The following CNN3 variants were observed in gnomAD, a reference collection of about 807,000 sequenced individuals.
CNN3 encodes the protein calponin-3.
In CNN3, 11 loss-of-function variants were observed where a neutral mutation model predicts 39.0. The observed-to-expected ratio is 0.28, with a 90% CI of 0.18 to 0.47. The LOEUF (loss-of-function observed/expected upper bound fraction) is 0.47. Ranked by LOEUF, CNN3 falls within the 20% of genes least tolerant of loss-of-function variation. CNN3 has a pLI of 0.99. For synonymous variants in CNN3, 101 were observed against 138.3 expected (o/e 0.73, Z 1.89); for missense variants, 266 against 403.4 (o/e 0.66, Z 2.92).
intron 1 of CNN3, among the ~76,000 whole-genome samples, chr1:94,905,409 T>A (rs1670971254): frequency 6.6e-6 from 1 of 152,160 alleles, no homozygotes; most frequent in Non-Finnish European, 1.5e-5. Context: ...CCCTGGCACA[T>A]AATCAGACCA....
chr1:94,917,112 C>A (rs1331112307), intron 1 of CNN3, among the ~76,000 whole-genome samples: 2 of 152,186 alleles, frequency 1.3e-5, no homozygotes, highest in African/African-American at 4.8e-5. Context: ...TCTTGGCTCA[C>A]CGCAGCCTCT....
rs796600645 is a variant in CNN3 at position 94,901,559 on chromosome 1, C to G, written c.501+110G>C. 5.8e-5 allele frequency: 40 copies of G among 683,914 alleles called. No homozygotes were observed. In the South Asian group the frequency reaches 6.4e-4, roughly 11 times the overall value. The allele number at this position is 683,914 out of a possible 1,614,324, so 42.4% of individuals were successfully genotyped here. ...ATAAATTGTATAAACTACACCCCCC[C>G]CCCAGTACTATAGTACTTCTGTCTA... On this transcript the variant is annotated intron_variant, in intron 5 of 6. Coordinates refer to ENST00000370206, the MANE Select transcript of CNN3 (RefSeq NM_001839.5).
At chr1:94,904,829 A>T (rs1670955541) in intron 1 of CNN3, among the ~76,000 whole-genome samples, 2 of 152,178 alleles carry the variant, frequency 1.3e-5, no homozygotes, top group African/African-American at 4.8e-5. Context: ...GCACTGGTGA[A>T]AATGCCAAGT....
At chr1:94,911,567 G>A (rs1671165873) in intron 1 of CNN3, among the ~76,000 whole-genome samples, 1 of 152,134 alleles carries the variant, frequency 6.6e-6, no homozygotes, top group Admixed American at 6.6e-5. Context: ...TGAGTCCTTT[G>A]AGACTAGCCT....
rs757212988 is a variant in CNN3 at position 94,902,112 on chromosome 1, T to C, written c.384+9A>G. 2 of 1,606,150 alleles carry C rather than the reference T, an allele frequency of 1.2e-6. No homozygotes were observed. The highest frequency in any genetic ancestry group is 1.3e-5 in the African/African-American group (1 of 74,742). ...ATCTGTTAACCAGCCATTAAAGACA[T>C]GTACGTACCAGACCTGCTAGAGCCA... On this transcript the variant is annotated intron_variant, in intron 4 of 6. Transcript: ENST00000370206.
intron 1 of CNN3, among the ~76,000 whole-genome samples, chr1:94,916,827 A>C (rs972604701): frequency 2.6e-5 from 4 of 152,232 alleles, no homozygotes; most frequent in African/African-American, 9.6e-5. Flanking sequence ...GGGAAGAATC[A>C]ATGAGTTAAT....
chr1:94,902,043 C>T (rs1248709813), intron 4 of CNN3, 78 bp downstream of exon 4: 3 of 1,290,426 alleles, frequency 2.3e-6, no homozygotes, highest in Non-Finnish European at 3.4e-6. Flanking sequence ...GGTCTGAACC[C>T]CCATGAAAAA....
chr1:94,919,114 T>G (rs859040), intron 1 of CNN3, among the ~76,000 whole-genome samples: 122,277 of 152,046 alleles, frequency 0.8, 49,686 homozygotes, highest in Middle Eastern at 0.86. Context: ...GGCTGGCAAA[T>G]AATGCGTCTG....
chr1:94,901,328 T>C (rs1436310150), intron 5 of CNN3, among the ~76,000 whole-genome samples: 1 of 148,630 alleles, frequency 6.7e-6, no homozygotes, highest in Non-Finnish European at 1.5e-5. Context: ...CACTCCAGCC[T>C]GGGCAAAAGA....
intron 1 of CNN3, among the ~76,000 whole-genome samples, chr1:94,916,042 C>T (rs1671271318): frequency 6.6e-6 from 1 of 152,130 alleles, no homozygotes; most frequent in African/African-American, 2.4e-5. Context: ...ACAGGCTACC[C>T]TGTCTTCCCT....
chr1:94,898,774 G>C (rs910538855), intron 6 of CNN3, among the ~76,000 whole-genome samples: 6 of 152,186 alleles, frequency 3.9e-5, no homozygotes, highest in African/African-American at 1.4e-4. Context: ...GGCAAAGTTT[G>C]ATAAATCTCC....
rs774452812 is a variant in CNN3 at position 94,898,013 on chromosome 1, T to C, written c.719A>G (p.Asn240Ser). ...DQKLTLQPVD[N>S]STISLQMGTN... ...ACCCATCTGTAGGGAAATTGTCGAG[T>C]TGTCCACCGGCTGTAATGTTAGCTT... The change falls in exon 7 of 7, where the codon AAC (asparagine) becomes AGC (serine). Residue 240 changes from asparagine to serine, a missense_variant. Asn to Ser is a conservative substitution (Grantham distance 46). Coordinates refer to ENST00000370206, the MANE Select transcript of CNN3 (RefSeq NM_001839.5). 3.1e-6 allele frequency: 5 copies of C among 1,614,054 alleles called. No individual in the cohort carries two copies. Among genetic ancestry groups the C allele is most frequent in the South Asian group, 1.1e-5 (1 of 91,074 alleles).
intron 1 of CNN3, among the ~76,000 whole-genome samples, chr1:94,923,717 T>C (rs1671506739): frequency 6.6e-6 from 1 of 152,172 alleles, no homozygotes; most frequent in Non-Finnish European, 1.5e-5. Context: ...CAAAAGGTAT[T>C]AATACAAACC....
chr1:94,922,430 ATATGC>A (rs1467764021), intron 1 of CNN3, among the ~76,000 whole-genome samples: 1 of 152,250 alleles, frequency 6.6e-6, no homozygotes, highest in Non-Finnish European at 1.5e-5. Context: ...TTTATTGAGC[ATATGC>A]TATGTGCTAA....
chr1:94,919,634 G>A (rs1671387987), intron 1 of CNN3, among the ~76,000 whole-genome samples: 1 of 152,118 alleles, frequency 6.6e-6, no homozygotes, highest in South Asian at 2.1e-4. Flanking sequence ...AGTGGAGGCG[G>A]GAAGAAGCAA....
At chr1:94,912,847 C>G (rs859047) in intron 1 of CNN3, among the ~76,000 whole-genome samples, 80,032 of 152,066 alleles carry the variant, frequency 0.53, 21,529 homozygotes, top group Middle Eastern at 0.57. Flanking sequence ...ATTACTTTCT[C>G]ATAAAAGTTC....
rs531558706 is a variant in CNN3 at position 94,897,427 on chromosome 1, T to C, written c.*315A>G. On this transcript the variant is annotated 3_prime_UTR_variant, in exon 7 of 7. Transcript: ENST00000370206. ...ATTGTTTGAAAATACCAGTTTAATA[T>C]AAGATTGTAAAAATGCATAGATTTT... The C allele has an allele frequency of 5.2e-6, 1 of 191,190 alleles. No homozygotes were observed. The highest frequency in any genetic ancestry group is 1.1e-4 in the East Asian group (1 of 9,000). 11.8% of individuals were successfully genotyped at this position (191,190 alleles called of 1,614,324 possible).
chr1:94,918,164 G>C (rs533895390), intron 1 of CNN3, among the ~76,000 whole-genome samples: 1 of 152,270 alleles, frequency 6.6e-6, no homozygotes, highest in East Asian at 1.9e-4. Flanking sequence ...CATCGTATCA[G>C]ACTAATGCAC....
At chr1:94,917,553 G>A (rs928311766) in intron 1 of CNN3, among the ~76,000 whole-genome samples, 2 of 151,992 alleles carry the variant, frequency 1.3e-5, no homozygotes, top group Non-Finnish European at 2.9e-5. Context: ...CTTACCATTG[G>A]TAGGAACTAA....
Sources: allele counts gnomAD v4.1 joint callset (sites outside exome capture counted in the v4.1 genomes callset), GRCh38; gene constraint gnomAD v4.1.1; transcripts MANE v1.5; gene names NCBI Gene and HGNC (gene_info 2026-07-23, HGNC 2026-07-21).